DSCAML1: variants seen among roughly 807,000 people sequenced by gnomAD.
The protein encoded by DSCAML1 is DS cell adhesion molecule like 1.
Under a neutral mutation model 200.5 loss-of-function variants are expected in DSCAML1, and 38 were observed. The ratio of observed to expected loss-of-function variants is 0.19; its 90% CI spans 0.15 to 0.25. The LOEUF is 0.25. Ranked by LOEUF, DSCAML1 falls within the 10% of genes least tolerant of loss-of-function variation. DSCAML1 has a pLI of 1.00. For synonymous variants in DSCAML1, 1,215 were observed against 1,165.0 expected (o/e 1.04, Z -0.87); for missense variants, 2,223 against 2,858.8 (o/e 0.78, Z 5.07).
At chr11:117,623,083 A>G (rs576826841) in intron 3 of DSCAML1, among the ~76,000 whole-genome samples, 3 of 152,194 alleles carry the variant, frequency 2.0e-5, no homozygotes, top group African/African-American at 7.2e-5. Flanking sequence ...TCCTATGCCT[A>G]TGCCTTCTCT....
chr11:117,573,617 C>G (rs1029989142), intron 3 of DSCAML1, among the ~76,000 whole-genome samples: 2 of 152,216 alleles, frequency 1.3e-5, no homozygotes, highest in East Asian at 3.9e-4. Flanking sequence ...CCAGTGAGGC[C>G]ATCAGCGTCC....
intron 3 of DSCAML1, among the ~76,000 whole-genome samples, chr11:117,699,088 C>T (rs147776682): frequency 0.01 from 1,569 of 152,288 alleles, 15 homozygotes; most frequent in Middle Eastern, 0.031. Context: ...TTACATCCCT[C>T]CAGAAAAGAG....
At chr11:117,485,829 T>C (rs1018302983) in intron 11 of DSCAML1, among the ~76,000 whole-genome samples, 1 of 152,198 alleles carries the variant, frequency 6.6e-6, no homozygotes, top group African/African-American at 2.4e-5. Flanking sequence ...GAGAATGTGG[T>C]CCTAGGCAAA....
intron 24 of DSCAML1, among the ~76,000 whole-genome samples, 185 bp from the exon 25 acceptor site, chr11:117,438,268 G>C (rs58290590): frequency 6.6e-5 from 10 of 151,756 alleles, no homozygotes; most frequent in African/African-American, 9.7e-5. Context: ...AACTCTCTAT[G>C]TTAAACCAAC....
Position 117,518,767 on chromosome 11 carries a change from A to T in DSCAML1, c.1214-5T>A. ...AGACGATGCGGGGCGTGCCATCTGC[A>T]GGGAGCGAGAAGCCCCCTTCAGGGT... On this transcript the variant is annotated splice_polypyrimidine_tract_variant and splice_region_variant and intron_variant, in intron 6 of 32. Coordinates refer to ENST00000651296, the MANE Select transcript of DSCAML1 (RefSeq NM_020693.4). This position sits in a 1 kb window ranked among gnomAD's most constrained non-coding sequence, Gnocchi z 6.3. 3 of 1,608,384 alleles carry T rather than the reference A, an allele frequency of 1.9e-6. No homozygotes were observed. Among genetic ancestry groups the T allele is most frequent in the Non-Finnish European group, 2.5e-6 (3 of 1,179,176 alleles).
chr11:117,476,317 T>C (rs1488821813), intron 14 of DSCAML1, among the ~76,000 whole-genome samples: 1 of 152,204 alleles, frequency 6.6e-6, no homozygotes, highest in Non-Finnish European at 1.5e-5. Context: ...CTGGAGCGTT[T>C]AGCTGCCTGG....
At chr11:117,524,321 T>C (rs2049934873) in intron 5 of DSCAML1, among the ~76,000 whole-genome samples, 1 of 152,236 alleles carries the variant, frequency 6.6e-6, no homozygotes, top group South Asian at 2.1e-4. Context: ...TCAGTGCCCC[T>C]ATCAATGATT....
intron 1 of DSCAML1, among the ~76,000 whole-genome samples, chr11:117,781,995 G>A (rs1387441225): frequency 6.6e-6 from 1 of 152,184 alleles, no homozygotes. Flanking sequence ...CCATTGCCTA[G>A]CAAGTGGACA....
chr11:117,460,270 C>T (rs569966168), intron 18 of DSCAML1, among the ~76,000 whole-genome samples: 1 of 152,324 alleles, frequency 6.6e-6, no homozygotes, highest in South Asian at 2.1e-4. Context: ...CTTCAGAGAG[C>T]TCAATCTGAG....
intron 3 of DSCAML1, among the ~76,000 whole-genome samples, chr11:117,718,910 A>G (rs993468399): frequency 6.6e-6 from 1 of 152,198 alleles, no homozygotes; most frequent in Non-Finnish European, 1.5e-5. Context: ...TTTGTGGGCC[A>G]TCCTCAACTC....
chr11:117,779,659 G>A (rs1295245016), intron 2 of DSCAML1, among the ~76,000 whole-genome samples: 2 of 152,176 alleles, frequency 1.3e-5, no homozygotes, highest in Non-Finnish European at 2.9e-5. Context: ...AGAATGGTGA[G>A]CAAAAGGTCT....
At chr11:117,770,544 C>T (rs566205916) in intron 3 of DSCAML1, among the ~76,000 whole-genome samples, 4 of 152,044 alleles carry the variant, frequency 2.6e-5, no homozygotes, top group East Asian at 1.9e-4. Flanking sequence ...TTCCACAGGA[C>T]GGTTCAGTAG....
At chr11:117,641,413 C>A (rs760352407) in intron 3 of DSCAML1, among the ~76,000 whole-genome samples, 24 of 152,324 alleles carry the variant, frequency 1.6e-4, no homozygotes, top group Non-Finnish European at 3.1e-4. Context: ...TGCCTGCATC[C>A]AAGATGAGGA....
chr11:117,491,839 CAG>C (rs2049188360), intron 11 of DSCAML1, among the ~76,000 whole-genome samples: 1 of 152,118 alleles, frequency 6.6e-6, no homozygotes, highest in Admixed American at 6.6e-5. Context: ...GAAGTAGAAT[CAG>C]GGGCCCAAGA....
chr11:117,474,879 G>A (rs993370849), intron 14 of DSCAML1, among the ~76,000 whole-genome samples: 5 of 151,488 alleles, frequency 3.3e-5, no homozygotes, highest in African/African-American at 7.3e-5. Flanking sequence ...CTCAGCCTCC[G>A]GAGTAGCTGG....
At position 117,530,839 on chromosome 11, in the gene DSCAML1, C is replaced by A. The variant is rs1191050166; in HGVS notation, c.658+1537G>T. ...CTTTTCCAGAGGCCTAGAGAGGCTG[C>A]GAGATTTCATGAGTCTAATCCCAAA... On this transcript the variant is annotated intron_variant, in intron 4 of 32. Transcript: ENST00000651296. Among the ~76,000 whole-genome samples, 4 of 152,066 alleles carry A rather than the reference C, an allele frequency of 2.6e-5. No homozygotes were observed. In the East Asian group the frequency reaches 7.7e-4, roughly 29 times the overall value.
At chr11:117,537,054 A>G (rs891468905) in intron 3 of DSCAML1, among the ~76,000 whole-genome samples, 1 of 152,252 alleles carries the variant, frequency 6.6e-6, no homozygotes, top group Non-Finnish European at 1.5e-5. Context: ...AGAAGGTGGT[A>G]GAGCCTGGAC....
chr11:117,602,659 C>T (rs2051486908), intron 3 of DSCAML1, among the ~76,000 whole-genome samples: 1 of 152,134 alleles, frequency 6.6e-6, no homozygotes, highest in South Asian at 2.1e-4. Flanking sequence ...CCGTAGTAGG[C>T]CCAAGGGTCC....
At chr11:117,446,301 C>A (rs1320433763) in intron 20 of DSCAML1, among the ~76,000 whole-genome samples, 1 of 152,098 alleles carries the variant, frequency 6.6e-6, no homozygotes, top group Non-Finnish European at 1.5e-5. Context: ...GAGGTGGAGG[C>A]TGCAGTGAGC....
Sources: allele counts gnomAD v4.1 joint callset (sites outside exome capture counted in the v4.1 genomes callset), GRCh38; gene constraint gnomAD v4.1.1; non-coding constraint Gnocchi (gnomAD v3.1); transcripts MANE v1.5; gene names NCBI Gene and HGNC (gene_info 2026-07-23, HGNC 2026-07-21).